The following PKD1 variants were observed in gnomAD, a reference collection of about 807,000 sequenced individuals.
The protein encoded by PKD1 is polycystin 1, transient receptor potential channel interacting.
Under a neutral mutation model 361.7 loss-of-function variants are expected in PKD1, and 81 were observed. The ratio of observed to expected loss-of-function variants is 0.22; its 90% CI spans 0.19 to 0.27. The LOEUF (loss-of-function observed/expected upper bound fraction) is 0.27, where lower values mean the gene tolerates loss of function less well. PKD1 is among the 10% of genes least tolerant of loss of function. The pLI is 1.00. For missense variants in PKD1, 6,399 were observed against 6,118.3 expected (o/e 1.05, Z -1.53); for synonymous variants, 3,615 against 2,818.3 (o/e 1.28, Z -8.95).
At chr16:2,092,765 G>T in intron 38 of PKD1, 173 bp from the exon 39 acceptor site, 2 of 837,612 alleles carry the variant, frequency 2.4e-6, no homozygotes, top group South Asian at 1.4e-5. Flanking sequence ...GTCTGTCATG[G>T]GCCCGTCCTG....
chr16:2,096,258 G>A (rs1331865705), intron 34 of PKD1, among the ~76,000 whole-genome samples: 1 of 152,252 alleles, frequency 6.6e-6, no homozygotes, highest in Admixed American at 6.5e-5. Context: ...GTGGCCTGTG[G>A]CTCCGGGGCA....
rs200420603 is a variant in PKD1 at position 2,119,160 on chromosome 16, T to A, written c.313A>T (p.Thr105Ser). 442 of 1,512,090 alleles carry A rather than the reference T, an allele frequency of 2.9e-4. No individual in the cohort carries two copies. Among genetic ancestry groups the A allele is most frequent in the Non-Finnish European group, 3.4e-4 (380 of 1,104,506 alleles). 93.7% of individuals were successfully genotyped at this position (1,512,090 alleles called of 1,614,324 possible). ...TTAGCAAATATTCCTTCTTCTAACG[T>A]AGAAATCTTGTTGTTGCTTATATCC... ...ELDISNNKIS[T>S]LEEGIFANLF... Residue 105 changes from threonine to serine, a missense_variant, in exon 3 of 46, where the codon ACG (threonine) becomes TCG (serine). Physicochemically the swap from Thr to Ser is moderately conservative, Grantham distance 58. Coordinates refer to ENST00000262304, the MANE Select transcript of PKD1 (RefSeq NM_001009944.3).
At position 2,090,081 on chromosome 16, in the gene PKD1, G is replaced by A. The variant is rs1198928611; in HGVS notation, c.12558C>T (p.His4186=). ...CCAGCTGGCTGGAGGAGGTGGAGGG[G>A]TGCGAGGCATCGGAGCCAGCGCTGG... is the stretch of plus-strand genomic sequence containing the variant. ...PPPSAGSDAS[H]PSTSSSQLDG... Residue 4186 remains histidine (H), a synonymous_variant, in exon 46 of 46, where the codon CAC becomes CAT. Transcript: ENST00000262304. 7 of 1,609,550 alleles carry A rather than the reference G, an allele frequency of 4.3e-6. No individual in the cohort carries two copies. The highest frequency in any genetic ancestry group is 1.1e-5 in the South Asian group (1 of 91,010).
Position 2,109,494 on chromosome 16 carries a change from C to G in PKD1, c.5673G>C (p.Val1891=). 6.2e-7 allele frequency: 1 copy of G among 1,609,588 alleles called. No individual in the cohort carries two copies. The highest frequency in any genetic ancestry group is 2.2e-5 in the East Asian group (1 of 44,816). The change falls in exon 15 of 46, where the codon GTG becomes GTC. Residue 1891 remains valine (V), a synonymous_variant. Transcript: ENST00000262304. ...CCACCACCTTGCTGCTGGCCCACAG[C>G]ACCAGGCCCACGATGGGCTCCTCCG... is the stretch of plus-strand genomic sequence containing the variant. ...LTAEEPIVGL[V]LWASSKVVAP...
At chr16:2,130,635 G>GC (rs953618611) in intron 1 of PKD1, among the ~76,000 whole-genome samples, 1 of 152,200 alleles carries the variant, frequency 6.6e-6, no homozygotes, top group African/African-American at 2.4e-5. Context: ...GGCCTGGCCA[G>GC]CCCCCCAAGG....
chr16:2,105,538 A>C, intron 20 of PKD1, 64 bp from the exon 21 acceptor site: 1 of 1,595,052 alleles, frequency 6.3e-7, no homozygotes, highest in Non-Finnish European at 8.5e-7. Flanking sequence ...AGGCCAGCAG[A>C]TGCCCACGAC....
rs1377827671 is a variant in PKD1 at position 2,091,331 on chromosome 16, T to TGCGAGGGCGGGGCCCC, written c.11712+91_11712+92insGGGGCCCCGCCCTCGC. The TGCGAGGGCGGGGCCCC allele has an allele frequency of 5.9e-6, 3 of 507,552 alleles. 1 individual carries two copies. In the African/African-American group the frequency reaches 1.9e-4, roughly 33 times the overall value. The allele number at this position is 507,552 out of a possible 1,614,324, so 31.4% of individuals were successfully genotyped here. ...GGGACGCTGCGAGGGGGCGGGGCGC[T>TGCGAGGGCGGGGCCCC]GCGAGGGGTGAGACGCTGCCGGGGC... On this transcript the variant is annotated intron_variant, in intron 42 of 45. Transcript: ENST00000262304.
chr16:2,116,672 C>T (rs780044416), intron 7 of PKD1, 28 bp from the exon 8 acceptor site: 22 of 1,349,824 alleles, frequency 1.6e-5, no homozygotes, highest in Non-Finnish European at 1.9e-5. Context: ...CAGTGAGGCG[C>T]CGGGCCAGGG....
At chr16:2,121,221 C>T (rs781510167) in intron 1 of PKD1, among the ~76,000 whole-genome samples, 3 of 151,582 alleles carry the variant, frequency 2.0e-5, no homozygotes, top group Non-Finnish European at 4.4e-5. Context: ...CAGAATTAGT[C>T]GGGCGTGGTG....
chr16:2,088,866 C>CGTGCGT lies in PKD1; in HGVS notation c.*860_*861insACGCAC, dbSNP rs1555442378. On this transcript the variant is annotated 3_prime_UTR_variant, in exon 46 of 46. Coordinates refer to ENST00000262304, the MANE Select transcript of PKD1 (RefSeq NM_001009944.3). ...GGCTGCCTGGGCCATACAGCACACT[C>CGTGCGT]GCGCGTGCGCGCGCGCACACACACA... 1 of 505,208 alleles carries CGTGCGT rather than the reference C, an allele frequency of 2.0e-6. No individual in the cohort carries two copies. Among genetic ancestry groups the CGTGCGT allele is most frequent in the African/African-American group, 2.7e-5 (1 of 37,252 alleles). 31.3% of individuals were successfully genotyped at this position (505,208 alleles called of 1,614,324 possible). A position where few individuals can be genotyped will look rare whatever the true frequency, so the allele number is the denominator to read the frequency against.
chr16:2,124,148 G>C (rs911312154), intron 1 of PKD1, among the ~76,000 whole-genome samples: 1 of 152,210 alleles, frequency 6.6e-6, no homozygotes, highest in Admixed American at 6.5e-5. Context: ...CAACAGCAGA[G>C]GGTGTGGCCA....
At position 2,111,357 on chromosome 16, in the gene PKD1, G is replaced by A. The variant is rs2092499858; in HGVS notation, c.3810C>T (p.Cys1270=). The change falls in exon 15 of 46, where the codon TGC becomes TGT. Residue 1270 remains cysteine, a synonymous_variant. Transcript: ENST00000262304. The part of the protein sequence containing the change: ...VEHVYLRAQN[C]TVTVGAASPA... ...GGCTGGCCGCACCCACGGTCACTGTGCAGTTCTGTGCCCGCAGGTACACAT... is the reference window on the plus strand; with the variant it reads ...GGCTGGCCGCACCCACGGTCACTGTACAGTTCTGTGCCCGCAGGTACACAT... The A allele has an allele frequency of 3.1e-6, 5 of 1,610,448 alleles. No individual in the cohort carries two copies. The South Asian group carries it at 3.3e-5, about 11-fold the overall frequency.
intron 16 of PKD1, chr16:2,107,155 G>A (rs1035631708): frequency 1.1e-5 from 7 of 639,230 alleles, no homozygotes; most frequent in African/African-American, 9.0e-5. Flanking sequence ...AGAGGACACT[G>A]GAGTGTGCGT....
chr16:2,109,571 G>A lies in PKD1; in HGVS notation c.5596C>T (p.Leu1866Phe), dbSNP rs747526110. Residue 1866 changes from leucine to phenylalanine, a missense_variant, in exon 15 of 46, where the codon CTC (leucine) becomes TTC (phenylalanine). Leu to Phe is a conservative substitution (Grantham distance 22, BLOSUM62 0). Transcript: ENST00000262304. Reference protein sequence around the residue: ...FPDAGTFSIRLNASNAVSWVS... With the variant: ...FPDAGTFSIRFNASNAVSWVS... ...CAGCTGACTGCGTTGGAGGCATTGA[G>A]CCGGATGGAGAAGGTGCCAGCATCC... 5.0e-6 allele frequency: 8 copies of A among 1,611,786 alleles called. No individual in the cohort carries two copies. The highest frequency in any genetic ancestry group is 5.1e-6 in the Non-Finnish European group (6 of 1,179,580).
rs755296584 is a variant in PKD1, at chr16:2,114,279, T to A, written c.2744A>T (p.Asn915Ile). ...GEHVVDVVVE[N>I]SASRANLSLR... ...GCTGAGGTTGGCCCGGCTGGCGCTGTTTTCCACCACCACGTCCACCACGTG... is the reference window on the plus strand; with the variant it reads ...GCTGAGGTTGGCCCGGCTGGCGCTGATTTCCACCACCACGTCCACCACGTG... Residue 915 changes from asparagine to isoleucine, a missense_variant, in exon 11 of 46, where the codon AAC (asparagine) becomes ATC (isoleucine). Coordinates refer to ENST00000262304, the MANE Select transcript of PKD1 (RefSeq NM_001009944.3). The A allele has an allele frequency of 6.2e-7, 1 of 1,610,258 alleles. No individual in the cohort carries two copies. The highest frequency in any genetic ancestry group is 8.5e-7 in the Non-Finnish European group (1 of 1,179,582).
Position 2,090,568 on chromosome 16 carries a change from G to A in PKD1, c.12161C>T (p.Ser4054Phe), listed in dbSNP as rs767346332. 15 of 1,608,978 alleles carry A rather than the reference G, an allele frequency of 9.3e-6. No individual in the cohort carries two copies. Among genetic ancestry groups the A allele is most frequent in the Admixed American group, 1.7e-5 (1 of 59,914 alleles). The change falls in exon 45 of 46, where the codon TCC becomes TTC. Residue 4054 changes from serine (S) to phenylalanine (F), a missense_variant. Ser to Phe is a radical substitution (Grantham distance 155). Coordinates refer to ENST00000262304, the MANE Select transcript of PKD1 (RefSeq NM_001009944.3). ...CAGGGCCTGGGCCACGCTCCAGAGG[G>A]AGTCCACACAGGAAGACACGAGCTG... The part of the protein sequence containing the change: ...AILLVSSCVD[S>F]LWSVAQALLV...
At position 2,112,931 on chromosome 16, in the gene PKD1, G is replaced by A. The variant is rs749234482; in HGVS notation, c.3018C>T (p.Thr1006=). The A allele has an allele frequency of 6.2e-6, 10 of 1,603,678 alleles. No individual in the cohort carries two copies. The highest frequency in any genetic ancestry group is 2.2e-5 in the East Asian group (1 of 44,902). ...LTASNHVSNV[T]VNYNVTVERM... is the part of the protein sequence containing the mutation. ...GCTCCACGGTTACGTTGTAGTTCAC[G>A]GTGACGTTGCTCACGTGGTTGGAGG... is the stretch of plus-strand genomic sequence containing the variant. Residue 1006 remains threonine (T), a synonymous_variant, in exon 13 of 46, where the codon ACC becomes ACT. Coordinates refer to ENST00000262304, the MANE Select transcript of PKD1 (RefSeq NM_001009944.3).
Position 2,106,153 on chromosome 16 carries a change from G to C in PKD1, c.7641C>G (p.Phe2547Leu), listed in dbSNP as rs771831971. The change falls in exon 19 of 46, where the codon TTC becomes TTG. Residue 2547 changes from phenylalanine (F) to leucine (L), a missense_variant. Coordinates refer to ENST00000262304, the MANE Select transcript of PKD1 (RefSeq NM_001009944.3). This position sits in a 1 kb window ranked among gnomAD's most constrained non-coding sequence, Gnocchi z 6.5. ...GCACCACCACGGCCAGGCCCACCTCGAAGTGTGGCCTGAAACCCGGGGGCA... is the reference window on the plus strand; with the variant it reads ...GCACCACCACGGCCAGGCCCACCTCCAAGTGTGGCCTGAAACCCGGGGGCA... ...AVLPPGFRPHFEVGLAVVVQD... is the reference protein window; with the variant it reads ...AVLPPGFRPHLEVGLAVVVQD... The C allele has an allele frequency of 6.2e-7, 1 of 1,607,510 alleles. No individual in the cohort carries two copies. Among genetic ancestry groups the C allele is most frequent in the Non-Finnish European group, 8.5e-7 (1 of 1,178,224 alleles).
Position 2,115,634 on chromosome 16 carries a change from A to C in PKD1, c.1850-9T>G. The C allele has an allele frequency of 6.3e-7, 1 of 1,597,546 alleles. No homozygotes were observed. The highest frequency in any genetic ancestry group is 8.5e-7 in the Non-Finnish European group (1 of 1,176,186). On this transcript the variant is annotated splice_polypyrimidine_tract_variant and intron_variant, in intron 9 of 45. Coordinates refer to ENST00000262304, the MANE Select transcript of PKD1 (RefSeq NM_001009944.3). The stretch of plus-strand genomic sequence containing the variant: ...GCCGTTCTCCGGGGTCCCTGTGAGG[A>C]GGGGAGGGTGTTGGGGCCCTGATTT...
Sources: gnomAD v4.1 joint callset for allele counts (sites outside exome capture counted in the v4.1 genomes callset) on GRCh38, gnomAD v4.1.1 for gene constraint, Gnocchi (gnomAD v3.1) non-coding constraint, MANE v1.5 for transcripts, NCBI Gene and HGNC (gene_info 2026-07-23, HGNC 2026-07-21) for gene names.